Variants in TUBB4B observed in about 807,000 individuals in gnomAD.
TUBB4B encodes tubulin beta 4B class IVb, also known as tubulin beta-4B chain.
In TUBB4B, 7 loss-of-function variants were observed where a neutral mutation model predicts 34.3. The observed-to-expected ratio is 0.20, with a 90% confidence interval of 0.12 to 0.38. The LOEUF is 0.38. Among genes scored for constraint, TUBB4B ranks in the 10% least tolerant of loss-of-function variants. TUBB4B has a pLI of 1.00. For synonymous variants in TUBB4B, 390 were observed against 250.2 expected, an observed-to-expected ratio of 1.56 and a Z score of -5.27; for missense variants, 178 against 610.9, an observed-to-expected ratio of 0.29 and a Z score of 7.47.
chr9:137,242,014 C>T lies in TUBB4B; in HGVS notation c.270C>T (p.Phe90=), dbSNP rs755606862. Residue 90 remains phenylalanine, a synonymous_variant, in exon 3 of 4, where the codon TTC becomes TTT. Transcript: ENST00000340384. The stretch of plus-strand genomic sequence containing the variant: ...GGCAGATCTTCCGGCCGGACAACTT[C>T]GTTTTCGGTGAGCCGTGGCTGGGGA... ...PFGQIFRPDN[F]VFGQSGAGNN... 5.0e-6 allele frequency: 8 copies of T among 1,610,540 alleles called. 1 individual carries two copies. Among genetic ancestry groups the T allele is most frequent in the South Asian group, 2.2e-5 (2 of 90,990 alleles).
At position 137,242,854 on chromosome 9, in the gene TUBB4B, C is replaced by T. The variant is rs1588859142; in HGVS notation, c.636C>T (p.Phe212=). Reference sequence around the variant, plus strand: ...ACGAAGCTCTCTACGACATTTGCTTCAGAACCCTAAAGCTGACCACGCCCA... The same window carrying T: ...ACGAAGCTCTCTACGACATTTGCTTTAGAACCCTAAAGCTGACCACGCCCA... The part of the protein sequence containing the change: ...IDNEALYDIC[F]RTLKLTTPTY... Residue 212 remains phenylalanine (F), a synonymous_variant, in exon 4 of 4, where the codon TTC becomes TTT. Coordinates refer to ENST00000340384, the MANE Select transcript of TUBB4B (RefSeq NM_006088.6). 1.2e-6 allele frequency: 2 copies of T among 1,613,584 alleles called. No individual in the cohort carries two copies. Among genetic ancestry groups the T allele is most frequent in the South Asian group, 1.1e-5 (1 of 91,092 alleles).
At chr9:137,241,888 C>T (rs760706622) in intron 2 of TUBB4B, 23 bp from the exon 3 acceptor site, 24 of 1,611,060 alleles carry the variant, frequency 1.5e-5, no homozygotes, top group Admixed American at 3.3e-5. Flanking sequence ...CCTGCCTTGG[C>T]TGACGCCCTC....
rs1341835703 is a variant in TUBB4B at position 137,243,490 on chromosome 9, G to A, written c.1272G>A (p.Gln424=). Residue 424 remains glutamine, a synonymous_variant, in exon 4 of 4, where the codon CAG becomes CAA. Coordinates refer to ENST00000340384, the MANE Select transcript of TUBB4B (RefSeq NM_006088.6). ...ATGACCTGGTGTCCGAGTACCAGCA[G>A]TACCAGGATGCCACAGCCGAGGAGG... ...NMNDLVSEYQ[Q]YQDATAEEEG... 11 of 1,613,864 alleles carry A rather than the reference G, an allele frequency of 6.8e-6. No individual in the cohort carries two copies. The highest frequency in any genetic ancestry group is 1.3e-5 in the African/African-American group (1 of 75,064).
Position 137,242,035 on chromosome 9 carries a change from G to C in TUBB4B, c.277+14G>C. 1 of 1,609,152 alleles carries C rather than the reference G, an allele frequency of 6.2e-7. No homozygotes were observed. Among genetic ancestry groups the C allele is most frequent in the Non-Finnish European group, 8.5e-7 (1 of 1,178,938 alleles). ...ACTTCGTTTTCGGTGAGCCGTGGCT[G>C]GGGACTGGGCGGCGGCTCAAAGGTC... On this transcript the variant is annotated intron_variant, in intron 3 of 3. Coordinates refer to ENST00000340384, the MANE Select transcript of TUBB4B (RefSeq NM_006088.6).
At chr9:137,242,366 G>C (rs919406799) in intron 3 of TUBB4B, 130 bp from the exon 4 acceptor site, 2 of 1,143,326 alleles carry the variant, frequency 1.7e-6, no homozygotes, top group Non-Finnish European at 2.5e-6. Context: ...GCTTTGAAGG[G>C]TCCGTTTGCT....
rs777235983 is a variant in TUBB4B, at chr9:137,243,529, G to A, written c.1311G>A (p.Glu437=). ...DATAEEEGEF[E]EEAEEEVA ...CAGCCGAGGAGGAGGGCGAGTTCGAGGAGGAGGCTGAGGAGGAGGTGGCCT... is the reference window on the plus strand; with the variant it reads ...CAGCCGAGGAGGAGGGCGAGTTCGAAGAGGAGGCTGAGGAGGAGGTGGCCT... Residue 437 remains glutamate (E), a synonymous_variant, in exon 4 of 4, where the codon GAG becomes GAA. Coordinates refer to ENST00000340384, the MANE Select transcript of TUBB4B (RefSeq NM_006088.6). The A allele has an allele frequency of 3.7e-6, 6 of 1,613,842 alleles. No individual in the cohort carries two copies. In the Admixed American group the frequency reaches 1.0e-4, roughly 27 times the overall value.
chr9:137,242,069 G>C, intron 3 of TUBB4B, 48 bp downstream of exon 3: 1 of 1,567,568 alleles, frequency 6.4e-7, no homozygotes, highest in Non-Finnish European at 8.7e-7. Context: ...TCAAGGGGCT[G>C]CTCCAAGGGC....
chr9:137,241,489 G>C, intron 1 of TUBB4B, 72 bp downstream of exon 1: 1 of 1,210,634 alleles, frequency 8.3e-7, no homozygotes, highest in Non-Finnish European at 1.0e-6. Context: ...GAAGATGGCG[G>C]CAGCAGCGGC....
Position 137,241,786 on chromosome 9 carries a change from C to T in TUBB4B, c.123C>T (p.Asp41=), listed in dbSNP as rs149563065. ...CGGGCACCTACCACGGGGACAGCGA[C>T]CTGCAGCTGGAACGCATCAACGTGT... ...DPTGTYHGDS[D]LQLERINVYY... Residue 41 remains aspartate (D), a synonymous_variant, in exon 2 of 4, where the codon GAC becomes GAT. Coordinates refer to ENST00000340384, the MANE Select transcript of TUBB4B (RefSeq NM_006088.6). 528 of 1,612,352 alleles carry T rather than the reference C, an allele frequency of 3.3e-4. 3 individuals carry two copies. The African/African-American group carries it at 5.4e-3, about 17-fold the overall frequency.
At position 137,243,202 on chromosome 9, in the gene TUBB4B, G is replaced by A. The variant is rs776827641; in HGVS notation, c.984G>A (p.Glu328=). 1.9e-6 allele frequency: 3 copies of A among 1,613,242 alleles called. No homozygotes were observed. In the South Asian group the frequency reaches 3.3e-5, roughly 18 times the overall value. The change falls in exon 4 of 4, where the codon GAG becomes GAA. Residue 328 remains glutamate (E), a synonymous_variant. Transcript: ENST00000340384. ...GCATGTCCATGAAGGAGGTGGATGA[G>A]CAAATGCTTAATGTCCAAAACAAAA... ...RGRMSMKEVD[E]QMLNVQNKNS... is the part of the protein sequence containing the mutation.
chr9:137,242,066 GC>G (rs1283221420), intron 3 of TUBB4B, 45 bp downstream of exon 3: 1 of 1,580,452 alleles, frequency 6.3e-7, no homozygotes, highest in Non-Finnish European at 8.6e-7. Flanking sequence ...AGGTCAAGGG[GC>G]TGCTCCAAGG....
rs766289007 is a variant in TUBB4B, at chr9:137,241,704, G to C, written c.58-17G>C. 1 of 1,600,504 alleles carries C rather than the reference G, an allele frequency of 6.2e-7. No homozygotes were observed. Among genetic ancestry groups the C allele is most frequent in the South Asian group, 1.1e-5 (1 of 90,564 alleles). On this transcript the variant is annotated splice_polypyrimidine_tract_variant and intron_variant, in intron 1 of 3. Transcript: ENST00000340384. ...ACTCAGCCCCGGCCCGCCCGGGCCC[G>C]CCCGCGTCCCTTGTAGTTTTGGGAG...
In TUBB4B at chr9:137,243,079, C is replaced by T. The variant is rs772348490; in HGVS notation, c.861C>T (p.Pro287=). ...AGCAGTACCGGGCGCTGACCGTGCC[C>T]GAGCTCACCCAGCAGATGTTTGATG... is the stretch of plus-strand genomic sequence containing the variant. The part of the protein sequence containing the change: ...GSQQYRALTV[P]ELTQQMFDAK... The change falls in exon 4 of 4, where the codon CCC becomes CCT. Residue 287 remains proline (P), a synonymous_variant. Coordinates refer to ENST00000340384, the MANE Select transcript of TUBB4B (RefSeq NM_006088.6). 53 of 1,612,858 alleles carry T rather than the reference C, an allele frequency of 3.3e-5. 1 individual carries two copies. The highest frequency in any genetic ancestry group is 8.9e-5 in the East Asian group (4 of 44,894).
At chr9:137,242,088 G>A (rs1836758660) in intron 3 of TUBB4B, 67 bp downstream of exon 3, 1 of 1,503,578 alleles carries the variant, frequency 6.7e-7, no homozygotes, top group Non-Finnish European at 9.0e-7. Flanking sequence ...GCACCGCCGT[G>A]GGAACTGCGC....
Position 137,242,477 on chromosome 9 carries a change from T to C in TUBB4B, c.278-19T>C. 6.2e-7 allele frequency: 1 copy of C among 1,606,640 alleles called. No homozygotes were observed. Among genetic ancestry groups the C allele is most frequent in the East Asian group, 2.2e-5 (1 of 44,782 alleles). ...GCTGTCTACCTGGCTGACAAATGAT[T>C]AGCTGTGTTCTCTCACAGGTCAGAG... On this transcript the variant is annotated intron_variant, in intron 3 of 3. Transcript: ENST00000340384.
intron 1 of TUBB4B, 114 bp downstream of exon 1, chr9:137,241,531 C>T (rs891252597): frequency 6.0e-6 from 6 of 995,314 alleles, no homozygotes; most frequent in Non-Finnish European, 7.4e-6. Context: ...GGCCGCCGGG[C>T]CCCCTCCGCG....
chr9:137,241,482 GA>G (rs1191541966), intron 1 of TUBB4B, 65 bp downstream of exon 1: 1 of 1,297,242 alleles, frequency 7.7e-7, no homozygotes, highest in African/African-American at 1.6e-5. Context: ...GGCCGGGGAA[GA>G]TGGCGGCAGC....
Position 137,243,574 on chromosome 9 carries a change from GA to G in TUBB4B, c.*21del. 1.2e-6 allele frequency: 2 copies of G among 1,613,682 alleles called. No individual in the cohort carries two copies. Among genetic ancestry groups the G allele is most frequent in the Non-Finnish European group, 1.7e-6 (2 of 1,179,696 alleles). On this transcript the variant is annotated 3_prime_UTR_variant, in exon 4 of 4. Transcript: ENST00000340384. The stretch of plus-strand genomic sequence containing the variant: ...TGGCCTAGAGCCTTCAGTCACTGGG[GA>G]AAGCAGGGAAGCAGTGTGAACTCTT...
rs146357244 is a variant in TUBB4B, at chr9:137,243,160, C to A, written c.942C>A (p.Ala314=). The A allele has an allele frequency of 2.5e-6, 4 of 1,612,952 alleles. No homozygotes were observed. Among genetic ancestry groups the A allele is most frequent in the African/African-American group, 2.7e-5 (2 of 74,936 alleles). The change falls in exon 4 of 4, where the codon GCC becomes GCA. Residue 314 remains alanine (A), a synonymous_variant. Transcript: ENST00000340384. The part of the protein sequence containing the change: ...DPRHGRYLTV[A]AVFRGRMSMK... Reference sequence around the variant, plus strand: ...GCCATGGCCGCTACCTGACGGTTGCCGCCGTGTTCAGGGGCCGCATGTCCA... The same window carrying A: ...GCCATGGCCGCTACCTGACGGTTGCAGCCGTGTTCAGGGGCCGCATGTCCA...
Sources: allele counts gnomAD v4.1 joint callset, GRCh38; gene constraint gnomAD v4.1.1; transcripts MANE v1.5; gene names NCBI Gene and HGNC (gene_info 2026-07-23, HGNC 2026-07-21).